The following LBX1 variants were observed in gnomAD, a reference collection of about 807,000 sequenced individuals.
LBX1 encodes transcription factor LBX1.
Under a neutral mutation model 19.9 loss-of-function variants are expected in LBX1, and 6 were observed. That is an observed-to-expected ratio of 0.30 (90% CI 0.17 to 0.60). The LOEUF (loss-of-function observed/expected upper bound fraction) is 0.60. LBX1 is among the 20% of genes least tolerant of loss of function. The pLI, the probability that LBX1 is intolerant of heterozygous loss-of-function variation, is 0.87. For missense variants in LBX1, 344 were observed against 393.7 expected (o/e 0.87, Z 1.07); for synonymous variants, 190 against 189.3 (o/e 1.00, Z -0.03).
Position 101,228,719 on chromosome 10 carries a change from G to A in LBX1, c.97C>T (p.Leu33=). ...ATGTCCTCGATGCTGAACGGCGTCA[G>A]TGGCTTGTTGGAGTTGGCAGGCGGA... ...LPPPANSNKP[L]TPFSIEDILN... Residue 33 remains leucine (L), a synonymous_variant, in exon 1 of 2, where the codon CTG becomes TTG. Coordinates refer to ENST00000370193, the MANE Select transcript of LBX1 (RefSeq NM_006562.5). 1 of 1,606,796 alleles carries A rather than the reference G, an allele frequency of 6.2e-7. No homozygotes were observed. The highest frequency in any genetic ancestry group is 8.5e-7 in the Non-Finnish European group (1 of 1,177,802).
Position 101,227,521 on chromosome 10 carries a change from G to T in LBX1, c.595C>A (p.Pro199Thr). ...ADVESAKKLG[P>T]SGQMDIVALA... ...GCCACGATGTCCATCTGCCCGCTGG[G>T]GCCCAGTTTCTTGGCGGACTCTACG... is the stretch of plus-strand genomic sequence containing the variant. Residue 199 changes from proline to threonine, a missense_variant, in exon 2 of 2, where the codon CCC (proline) becomes ACC (threonine). Around this residue, in one of 3 missense-constraint regions of LBX1, gnomAD observed 146 missense variants for 124.2 expected, o/e 1.18. Transcript: ENST00000370193. 1 of 1,613,552 alleles carries T rather than the reference G, an allele frequency of 6.2e-7. No homozygotes were observed. Among genetic ancestry groups the T allele is most frequent in the South Asian group, 1.1e-5 (1 of 91,084 alleles).
Position 101,228,656 on chromosome 10 carries a change from A to G in LBX1, c.160T>C (p.Cys54Arg). 6 of 1,599,312 alleles carry G rather than the reference A, an allele frequency of 3.8e-6. 1 individual carries two copies. Among genetic ancestry groups the G allele is most frequent in the Non-Finnish European group, 5.1e-6 (6 of 1,174,420 alleles). Residue 54 changes from cysteine (C) to arginine (R), a missense_variant, in exon 1 of 2, where the codon TGC (cysteine) becomes CGC (arginine). Coordinates refer to ENST00000370193, the MANE Select transcript of LBX1 (RefSeq NM_006562.5). ...GCGGCCAGCAGGTGCGCCGCCCCGC[A>G]CAGCGAGTAACTTCTCCGCACAGAC... ...KPSVRRSYSL[C>R]GAAHLLAAAD...
At chr10:101,227,902 T>C in intron 1 of LBX1, 112 bp from the exon 2 acceptor site, 1 of 998,154 alleles carries the variant, frequency 1.0e-6, no homozygotes, top group Non-Finnish European at 1.4e-6. Context: ...AGTCTACCAA[T>C]GTTCCCTTCT....
chr10:101,227,482 C>G lies in LBX1; in HGVS notation c.634G>C (p.Glu212Gln). ...QMDIVALAEL[E>Q]QNSEATAGGG... is the part of the protein sequence containing the mutation. ...CCGGCTGTGGCCTCCGAGTTCTGCT[C>G]GAGTTCGGCCAGCGCCACGATGTCC... The change falls in exon 2 of 2, where the codon GAG becomes CAG. Residue 212 changes from glutamate (E) to glutamine (Q), a missense_variant. Physicochemically the swap from Glu to Gln is conservative, Grantham distance 29. Around this residue, in one of 3 missense-constraint regions of LBX1, gnomAD observed 146 missense variants for 124.2 expected, o/e 1.18. Transcript: ENST00000370193. 1.2e-6 allele frequency: 2 copies of G among 1,608,472 alleles called. No homozygotes were observed. Among genetic ancestry groups the G allele is most frequent in the Non-Finnish European group, 8.5e-7 (1 of 1,176,714 alleles).
Position 101,227,429 on chromosome 10 carries a change from C to G in LBX1, c.687G>C (p.Lys229Asn). The G allele has an allele frequency of 1.3e-6, 2 of 1,596,232 alleles. No homozygotes were observed. Among genetic ancestry groups the G allele is most frequent in the Non-Finnish European group, 1.7e-6 (2 of 1,172,568 alleles). ...AGGGGGCGRA[K>N]SRPGSPVLPP... The stretch of plus-strand genomic sequence containing the variant: ...GGAGGACCGGAGAGCCGGGCCTCGA[C>G]TTGGCCCTGCCGCAGCCGCCGCCAC... Residue 229 changes from lysine (K) to asparagine (N), a missense_variant, in exon 2 of 2, where the codon AAG (lysine) becomes AAC (asparagine). Transcript: ENST00000370193.
In LBX1 at chr10:101,228,855, C is replaced by A. The variant is rs1422982150; in HGVS notation, c.-40G>T. 2 of 1,352,778 alleles carry A rather than the reference C, an allele frequency of 1.5e-6. No individual in the cohort carries two copies. The highest frequency in any genetic ancestry group is 1.9e-6 in the Non-Finnish European group (2 of 1,049,092). The allele number at this position is 1,352,778 out of a possible 1,614,324, so 83.8% of individuals were successfully genotyped here. A position where few individuals can be genotyped will look rare whatever the true frequency, so the allele number is the denominator to read the frequency against. On this transcript the variant is annotated 5_prime_UTR_variant, in exon 1 of 2. Transcript: ENST00000370193. ...GGGTCCCGGCCGGGGCGGCTCGGGC[C>A]GCGGGGACCCAGCCCGCGGGCAGCT...
At position 101,228,801 on chromosome 10, in the gene LBX1, C is replaced by T. The variant is rs574381608; in HGVS notation, c.15G>A (p.Glu5=). ...CCTCCCCCGGCGCCGCCTTGCCGTC[C>T]TCCTTGGAAGTCATCTCGGCCTTGT... The part of the protein sequence containing the change: MTSK[E]DGKAAPGEER... The change falls in exon 1 of 2, where the codon GAG becomes GAA. Residue 5 remains glutamate (E), a synonymous_variant. Transcript: ENST00000370193. The T allele has an allele frequency of 6.3e-7, 1 of 1,595,790 alleles. No homozygotes were observed. The highest frequency in any genetic ancestry group is 1.7e-5 in the Admixed American group (1 of 58,444).
At position 101,227,034 on chromosome 10, in the gene LBX1, G is replaced by A. The variant is rs1162748224; in HGVS notation, c.*236C>T. The stretch of plus-strand genomic sequence containing the variant: ...ATATAGAAGCCATACAGAATTGCAC[G>A]GCGAGGGCTTCCGGGGCGGCGGAGG... On this transcript the variant is annotated 3_prime_UTR_variant, in exon 2 of 2. Transcript: ENST00000370193. 6.5e-6 allele frequency: 3 copies of A among 463,462 alleles called. No individual in the cohort carries two copies. Among genetic ancestry groups the A allele is most frequent in the African/African-American group, 2.1e-5 (1 of 48,290 alleles). The allele number at this position is 463,462 out of a possible 1,614,324, so 28.7% of individuals were successfully genotyped here. A position where few individuals can be genotyped will look rare whatever the true frequency, so the allele number is the denominator to read the frequency against.
Position 101,228,848 on chromosome 10 carries a change from C to T in LBX1, c.-33G>A, listed in dbSNP as rs751671979. ...TTGTTCGGGGTCCCGGCCGGGGCGG[C>T]TCGGGCCGCGGGGACCCAGCCCGCG... On this transcript the variant is annotated 5_prime_UTR_variant, in exon 1 of 2. Coordinates refer to ENST00000370193, the MANE Select transcript of LBX1 (RefSeq NM_006562.5). The T allele has an allele frequency of 7.1e-7, 1 of 1,404,118 alleles. No individual in the cohort carries two copies. The highest frequency in any genetic ancestry group is 9.3e-7 in the Non-Finnish European group (1 of 1,079,162). 87.0% of individuals were successfully genotyped at this position (1,404,118 alleles called of 1,614,324 possible). A position where few individuals can be genotyped will look rare whatever the true frequency, so the allele number is the denominator to read the frequency against.
rs1423288304 is a variant in LBX1 at position 101,227,480 on chromosome 10, C to A, written c.636G>T (p.Glu212Asp). The A allele has an allele frequency of 2.5e-6, 4 of 1,608,282 alleles. No individual in the cohort carries two copies. The highest frequency in any genetic ancestry group is 1.3e-5 in the African/African-American group (1 of 74,834). ...CGCCGGCTGTGGCCTCCGAGTTCTG[C>A]TCGAGTTCGGCCAGCGCCACGATGT... ...QMDIVALAEL[E>D]QNSEATAGGG... Residue 212 changes from glutamate (E) to aspartate (D), a missense_variant, in exon 2 of 2, where the codon GAG (glutamate) becomes GAT (aspartate). Glu to Asp is a conservative substitution (Grantham distance 45). Coordinates refer to ENST00000370193, the MANE Select transcript of LBX1 (RefSeq NM_006562.5).
In LBX1 at chr10:101,227,346, G is replaced by T. The variant is rs756080073; in HGVS notation, c.770C>A (p.Pro257Gln). Residue 257 changes from proline to glutamine, a missense_variant, in exon 2 of 2, where the codon CCG becomes CAG. Coordinates refer to ENST00000370193, the MANE Select transcript of LBX1 (RefSeq NM_006562.5). ...AGALQLSPAS[P>Q]LTDQPASSQD... ...GCTGCTGGCCGGCTGGTCCGTGAGC[G>T]GAGAGGCAGGCGAGAGCTGCAGGGC... 6.2e-7 allele frequency: 1 copy of T among 1,608,728 alleles called. No individual in the cohort carries two copies. The highest frequency in any genetic ancestry group is 8.5e-7 in the Non-Finnish European group (1 of 1,178,754).
chr10:101,227,813 G>A (rs533233936), intron 1 of LBX1, 23 bp from the exon 2 acceptor site: 1 of 1,541,500 alleles, frequency 6.5e-7, no homozygotes, highest in Non-Finnish European at 8.8e-7. Flanking sequence ...GACAGTGTAG[G>A]CTCGCGTTGG....
In LBX1 at chr10:101,227,097, T is replaced by C; in HGVS notation, c.*173A>G. On this transcript the variant is annotated 3_prime_UTR_variant, in exon 2 of 2. Transcript: ENST00000370193. ...GCCGGCCCGGCCGGCCAGCCTGGGT[T>C]TATTGCTTCGAGAGGGAAGAGGCGG... 1.6e-6 allele frequency: 1 copy of C among 612,660 alleles called. No individual in the cohort carries two copies. The highest frequency in any genetic ancestry group is 3.3e-5 in the Admixed American group (1 of 30,498). The allele number at this position is 612,660 out of a possible 1,614,324, so 38.0% of individuals were successfully genotyped here.
At position 101,228,771 on chromosome 10, in the gene LBX1, C is replaced by T; in HGVS notation, c.45G>A (p.Arg15=). 3 of 1,598,894 alleles carry T rather than the reference C, an allele frequency of 1.9e-6. No homozygotes were observed. The highest frequency in any genetic ancestry group is 2.2e-5 in the South Asian group (2 of 88,962). Residue 15 remains arginine, a synonymous_variant, in exon 1 of 2, where the codon CGG becomes CGA. Coordinates refer to ENST00000370193, the MANE Select transcript of LBX1 (RefSeq NM_006562.5). ...EDGKAAPGEE[R]RRSPLDHLPP... ...GCAGGTGGTCCAGCGGGCTGCGCCG[C>T]CGCTCCTCCCCCGGCGCCGCCTTGC...
In LBX1 at chr10:101,228,670, C is replaced by G. The variant is rs1362082730; in HGVS notation, c.146G>C (p.Arg49Thr). 2 of 1,605,124 alleles carry G rather than the reference C, an allele frequency of 1.2e-6. No individual in the cohort carries two copies. Among genetic ancestry groups the G allele is most frequent in the Non-Finnish European group, 1.7e-6 (2 of 1,176,960 alleles). ...EDILNKPSVR[R>T]SYSLCGAAHL... is the part of the protein sequence containing the mutation. ...CGCCGCCCCGCACAGCGAGTAACTT[C>G]TCCGCACAGACGGCTTGTTGAGGAT... Residue 49 changes from arginine (R) to threonine (T), a missense_variant, in exon 1 of 2, where the codon AGA becomes ACA. Transcript: ENST00000370193.
Position 101,227,139 on chromosome 10 carries a change from C to A in LBX1, c.*131G>T. 1 of 903,118 alleles carries A rather than the reference C, an allele frequency of 1.1e-6. No individual in the cohort carries two copies. The allele number at this position is 903,118 out of a possible 1,614,324, so 55.9% of individuals were successfully genotyped here. ...AAGAGGCGGCTGCCAGGAGCCGAGT[C>A]CGGGGCCGGGGACAGGGGAGGAGGC... On this transcript the variant is annotated 3_prime_UTR_variant, in exon 2 of 2. Transcript: ENST00000370193.
intron 1 of LBX1, 118 bp from the exon 2 acceptor site, chr10:101,227,908 C>T: frequency 1.1e-6 from 1 of 950,916 alleles, no homozygotes; most frequent in East Asian, 2.7e-5. Flanking sequence ...CCAATGTTCC[C>T]TTCTCAGATT....
rs751177931 is a variant in LBX1 at position 101,228,473 on chromosome 10, C to T, written c.325+18G>A. On this transcript the variant is annotated intron_variant, in intron 1 of 1. Transcript: ENST00000370193. Reference sequence around the variant, plus strand: ...GCGCGAGGCGCTGGGTGCAGGGGAACCCAGCAGCTGCGCCTACCTTCGGCT... The same window carrying T: ...GCGCGAGGCGCTGGGTGCAGGGGAATCCAGCAGCTGCGCCTACCTTCGGCT... The T allele has an allele frequency of 2.7e-5, 41 of 1,539,310 alleles. No individual in the cohort carries two copies. In the South Asian group the frequency reaches 4.7e-4, roughly 18 times the overall value.
Position 101,229,030 on chromosome 10 carries a change from G to A in LBX1, c.-215C>T. Reference sequence around the variant, plus strand: ...GGAAGAGGGCGCTGACGCGGGCGCCGCTGCTGCTGGGGCTTCCAGCAATCC... The same window carrying A: ...GGAAGAGGGCGCTGACGCGGGCGCCACTGCTGCTGGGGCTTCCAGCAATCC... On this transcript the variant is annotated 5_prime_UTR_variant, in exon 1 of 2. Coordinates refer to ENST00000370193, the MANE Select transcript of LBX1 (RefSeq NM_006562.5). The surrounding 1 kb of genome is among the most constrained non-coding windows in gnomAD (Gnocchi z 6.4). 5.6e-6 allele frequency: 1 copy of A among 179,774 alleles called. No individual in the cohort carries two copies. The highest frequency in any genetic ancestry group is 1.1e-5 in the Non-Finnish European group (1 of 87,290). 11.1% of individuals were successfully genotyped at this position (179,774 alleles called of 1,614,324 possible). A position where few individuals can be genotyped will look rare whatever the true frequency, so the allele number is the denominator to read the frequency against.
Sources: allele counts gnomAD v4.1 joint callset, GRCh38; gene constraint gnomAD v4.1.1; regional missense constraint gnomAD v4.1.1; non-coding constraint Gnocchi (gnomAD v3.1); transcripts MANE v1.5; gene names NCBI Gene and HGNC (gene_info 2026-07-23, HGNC 2026-07-21).